Variants in PIEZO1 observed in about 807,000 individuals in gnomAD.
PIEZO1 encodes the protein piezo-type mechanosensitive ion channel component 1.
In PIEZO1, 296 loss-of-function variants were observed where a neutral mutation model predicts 297.2. That is an observed-to-expected ratio of 1.00 (90% CI 0.91 to 1.10). PIEZO1 has a LOEUF of 1.10. Among genes scored for constraint, PIEZO1 ranks in the 50% least tolerant of loss-of-function variants. The pLI, the probability that PIEZO1 is intolerant of heterozygous loss-of-function variation, is 0.00. For synonymous variants in PIEZO1, 2,427 were observed against 1,507.5 expected (o/e 1.61, Z -14.13); for missense variants, 5,018 against 3,455.5 (o/e 1.45, Z -11.34).
chr16:88,738,123 G>T lies in PIEZO1; in HGVS notation c.849-18C>A. 1 of 1,535,730 alleles carries T rather than the reference G, an allele frequency of 6.5e-7. No individual in the cohort carries two copies. Among genetic ancestry groups the T allele is most frequent in the Non-Finnish European group, 8.7e-7 (1 of 1,146,788 alleles). On this transcript the variant is annotated intron_variant, in intron 7 of 50. Transcript: ENST00000301015. The stretch of plus-strand genomic sequence containing the variant: ...CCAGCACCCTGTCCAGAGAAGACCC[G>T]TCACAGCCTACCACCCCAGAGGCAG...
At chr16:88,779,644 A>C (rs910554075) in intron 1 of PIEZO1, among the ~76,000 whole-genome samples, 1 of 152,152 alleles carries the variant, frequency 6.6e-6, no homozygotes, top group Non-Finnish European at 1.5e-5. Flanking sequence ...CTGCAGTGGG[A>C]TGGGCTGGGC....
rs116855700 is a variant in PIEZO1, at chr16:88,720,496, G to A, written c.5838C>T (p.Phe1946=). The stretch of plus-strand genomic sequence containing the variant: ...GGTACTTGGTGTGCAGGATGTCGTG[G>A]AAGAAGCGCCGTAGCGGCCGATATG... The part of the protein sequence containing the change: ...QGTYRPLRRF[F]HDILHTKYRA... Residue 1946 remains phenylalanine (F), a synonymous_variant, in exon 41 of 51, where the codon TTC becomes TTT. Transcript: ENST00000301015. 2.7e-3 allele frequency: 4,211 copies of A among 1,550,334 alleles called. 89 individuals carry two copies. The East Asian group carries it at 0.062, about 23-fold the overall frequency.
rs555318529 is a variant in PIEZO1 at position 88,730,854 on chromosome 16, G to A, written c.3196+852C>T. ...AAGCAGCCAGTAACAAATGGCAGCTGTCCTTGATGGGAATCCCAGCTGACA... is the reference window on the plus strand; with the variant it reads ...AAGCAGCCAGTAACAAATGGCAGCTATCCTTGATGGGAATCCCAGCTGACA... On this transcript the variant is annotated intron_variant, in intron 22 of 50. Coordinates refer to ENST00000301015, the MANE Select transcript of PIEZO1 (RefSeq NM_001142864.4). 2.5e-3 allele frequency among the ~76,000 whole-genome samples: 379 copies of A among 152,358 alleles called. 2 individuals are homozygous for A. The highest frequency in any genetic ancestry group is 8.7e-3 in the African/African-American group (360 of 41,580).
chr16:88,763,204 G>A (rs937715812), intron 1 of PIEZO1, among the ~76,000 whole-genome samples: 1 of 152,180 alleles, frequency 6.6e-6, no homozygotes, highest in Admixed American at 6.5e-5. Context: ...CCGGCTCCTG[G>A]CGGCTCAGGG....
intron 21 of PIEZO1, 109 bp from the exon 22 acceptor site, chr16:88,732,019 C>T (rs1332188950): frequency 1.6e-4 from 4 of 25,092 alleles, no homozygotes; most frequent in East Asian, 6.4e-4. Flanking sequence ...CTGGAGGCTG[C>T]GGGCATCAAG....
intron 2 of PIEZO1, chr16:88,743,737 G>T (rs970438426): frequency 2.1e-5 from 9 of 431,014 alleles, no homozygotes; most frequent in Non-Finnish European, 4.3e-5. Flanking sequence ...CCTCACGGAT[G>T]CCCAGGACTC....
At chr16:88,737,892 G>A (rs369381945) in intron 8 of PIEZO1, 42 bp downstream of exon 8, 3 of 1,531,834 alleles carry the variant, frequency 2.0e-6, no homozygotes, top group South Asian at 2.4e-5. Flanking sequence ...CCAGCCCCAT[G>A]GCCTGGCCTC....
intron 39 of PIEZO1, 102 bp downstream of exon 39, chr16:88,721,064 C>T: frequency 8.2e-7 from 1 of 1,222,106 alleles, no homozygotes; most frequent in Non-Finnish European, 1.1e-6. Flanking sequence ...CCAGGTGGGC[C>T]TCGCACTGGG....
At chr16:88,725,309 G>A (rs923026273) in intron 29 of PIEZO1, 107 bp downstream of exon 29, 56 of 769,312 alleles carry the variant, frequency 7.3e-5, no homozygotes, top group Non-Finnish European at 1.1e-4. Flanking sequence ...AGGACAGGCG[G>A]GCTGGGAGCC....
chr16:88,732,203 C>T (rs1355277832), intron 21 of PIEZO1, 132 bp downstream of exon 21: 16 of 740,874 alleles, frequency 2.2e-5, no homozygotes, highest in African/African-American at 1.6e-4. Context: ...CGTGCCTGGC[C>T]CTGAGTCCCC....
chr16:88,782,354 C>T (rs111363325), intron 1 of PIEZO1, among the ~76,000 whole-genome samples: 5,233 of 152,210 alleles, frequency 0.034, 150 homozygotes, highest in African/African-American at 0.078. Context: ...TCAAGCAATC[C>T]TCCCACCTTG....
chr16:88,734,251 A>T, intron 16 of PIEZO1, 105 bp downstream of exon 16: 1 of 1,241,620 alleles, frequency 8.1e-7, no homozygotes, highest in South Asian at 1.6e-5. Context: ...GCCCCTTGGG[A>T]TCTGAAGGTG....
chr16:88,760,643 G>A (rs1233220059), intron 1 of PIEZO1, among the ~76,000 whole-genome samples: 2 of 152,086 alleles, frequency 1.3e-5, no homozygotes, highest in African/African-American at 4.8e-5. Context: ...GGAGCCACCC[G>A]TCTTCGAGGC....
At chr16:88,716,298 G>C (rs758880704) in intron 48 of PIEZO1, 21 bp from the exon 49 acceptor site, 2 of 1,491,982 alleles carry the variant, frequency 1.3e-6, no homozygotes, top group Non-Finnish European at 1.8e-6. Context: ...GTGCTGGCAG[G>C]TCAGGCCTGG....
intron 1 of PIEZO1, among the ~76,000 whole-genome samples, chr16:88,776,172 C>T (rs1024918938): frequency 4.6e-5 from 7 of 152,242 alleles, no homozygotes; most frequent in African/African-American, 1.2e-4. Flanking sequence ...CGGTGGCTCA[C>T]GCCTGTCATC....
At position 88,738,573 on chromosome 16, in the gene PIEZO1, A is replaced by T. The variant is rs958195348; in HGVS notation, c.629T>A (p.Leu210Gln). 10 of 1,535,122 alleles carry T rather than the reference A, an allele frequency of 6.5e-6. No homozygotes were observed. The East Asian group carries it at 7.3e-5, about 11-fold the overall frequency. Residue 210 changes from leucine (L) to glutamine (Q), a missense_variant, in exon 6 of 51, where the codon CTG becomes CAG. Physicochemically the swap from Leu to Gln is moderately radical, Grantham distance 113 (BLOSUM62 -2). Coordinates refer to ENST00000301015, the MANE Select transcript of PIEZO1 (RefSeq NM_001142864.4). ...CCCCCTGCCTCGGTGCGTACCTGCC[A>T]GTGCAAGCAGTGTTACGGCCAGGAC... The part of the protein sequence containing the change: ...GRVLAVTLLA[L>Q]AGIAHPSALS...
chr16:88,755,313 G>T (rs979329035), intron 1 of PIEZO1, among the ~76,000 whole-genome samples: 8 of 152,218 alleles, frequency 5.3e-5, no homozygotes, highest in African/African-American at 1.9e-4. Flanking sequence ...AATGCCTCCA[G>T]ACTGGCTGGT....
intron 30 of PIEZO1, 82 bp downstream of exon 30, chr16:88,724,927 G>A: frequency 1.1e-6 from 1 of 881,866 alleles, no homozygotes; most frequent in East Asian, 3.2e-5. Context: ...GGAAGGGAGG[G>A]GAAGATAGCA....
At chr16:88,717,645 C>A in intron 44 of PIEZO1, 1 of 452,002 alleles carries the variant, frequency 2.2e-6, no homozygotes, top group South Asian at 1.6e-5. Context: ...CAAAGTAAAC[C>A]AGATATTACC....
Sources: allele counts gnomAD v4.1 joint callset (sites outside exome capture counted in the v4.1 genomes callset), GRCh38; gene constraint gnomAD v4.1.1; transcripts MANE v1.5; gene names NCBI Gene and HGNC (gene_info 2026-07-23, HGNC 2026-07-21).